Variants in PDZD2 observed in about 807,000 individuals in gnomAD.
PDZD2 encodes PDZ domain containing 2, also known as PDZ domain-containing protein 2.
Under a neutral mutation model 220.7 loss-of-function variants are expected in PDZD2, and 90 were observed. That is an observed-to-expected ratio of 0.41 (90% confidence interval 0.34 to 0.49). The LOEUF (loss-of-function observed/expected upper bound fraction) is 0.49. Among genes scored for constraint, PDZD2 ranks in the 20% least tolerant of loss-of-function variants. The pLI, the probability that PDZD2 is intolerant of heterozygous loss-of-function variation, is 0.28. For synonymous variants in PDZD2, 1,375 were observed against 1,450.5 expected (o/e 0.95, Z 1.18); for missense variants, 3,174 against 3,608.5 (o/e 0.88, Z 3.08).
chr5:31,728,981 A>T (rs1410802105), intron 1 of PDZD2, among the ~76,000 whole-genome samples: 1 of 151,876 alleles, frequency 6.6e-6, no homozygotes, highest in Non-Finnish European at 1.5e-5. Flanking sequence ...CAGCCACCAG[A>T]GTAGCTGGGA....
chr5:31,906,241 TACCGATGTCCAAATGTTCGCTGA>T, intron 2 of PDZD2, among the ~76,000 whole-genome samples: 1 of 141,872 alleles, frequency 7.0e-6, no homozygotes, highest in African/African-American at 2.6e-5. Flanking sequence ...TACTTCATGT[TACCGATGTCCAAATGTTCGCTGA>T]TTTTGTTGTT....
intron 1 of PDZD2, among the ~76,000 whole-genome samples, chr5:31,712,368 A>G (rs1352365091): frequency 6.6e-6 from 1 of 151,798 alleles, no homozygotes; most frequent in Non-Finnish European, 1.5e-5. Context: ...AGCCCTAGGA[A>G]TGTTTTGCTC....
At chr5:31,652,520 C>A (rs933735743) in intron 1 of PDZD2, among the ~76,000 whole-genome samples, 1 of 152,152 alleles carries the variant, frequency 6.6e-6, no homozygotes, top group African/African-American at 2.4e-5. Flanking sequence ...CCTCACTGCC[C>A]CCAAATCAAC....
At position 32,090,154 on chromosome 5, in the gene PDZD2, G is replaced by T; in HGVS notation, c.6706G>T (p.Glu2236Ter). The change falls in exon 20 of 25, where the codon GAG becomes TAG. Residue 2236 changes from glutamate to a stop codon, truncating the protein, a stop_gained. Coordinates refer to ENST00000438447, the MANE Select transcript of PDZD2 (RefSeq NM_178140.4). LOFTEE classifies it high-confidence loss of function. The surrounding 1 kb of genome is among the most constrained non-coding windows in gnomAD (Gnocchi z 4.3). ...CCAGTTCTCAAGCCATTTTGGACGG[G>T]AGGGTCACCCCCCACACAGCCTGGG... The part of the protein sequence containing the change: ...PAQFSSHFGR[E>*]GHPPHSLGRS... 1 of 1,614,028 alleles carries T rather than the reference G, an allele frequency of 6.2e-7. No individual in the cohort carries two copies. Among genetic ancestry groups the T allele is most frequent in the Non-Finnish European group, 8.5e-7 (1 of 1,180,006 alleles).
At chr5:31,788,581 G>A (rs1415954958) in intron 1 of PDZD2, among the ~76,000 whole-genome samples, 1 of 152,142 alleles carries the variant, frequency 6.6e-6, no homozygotes, top group African/African-American at 2.4e-5. Context: ...CAGGAGAATG[G>A]CGTGAACCTG....
chr5:32,084,836 G>A (rs983135614), intron 19 of PDZD2, among the ~76,000 whole-genome samples: 1 of 151,746 alleles, frequency 6.6e-6, no homozygotes, highest in Non-Finnish European at 1.5e-5. Flanking sequence ...GTGAGTGGCT[G>A]TTGGAACCCA....
At chr5:31,640,162 C>A (rs1744894521) in intron 1 of PDZD2, among the ~76,000 whole-genome samples, 1 of 152,136 alleles carries the variant, frequency 6.6e-6, no homozygotes, top group Non-Finnish European at 1.5e-5. Context: ...TTGGAAAATC[C>A]ATTAAAGCGC....
intron 1 of PDZD2, among the ~76,000 whole-genome samples, chr5:31,779,650 G>A (rs757690860): frequency 3.3e-5 from 5 of 152,132 alleles, no homozygotes; most frequent in Admixed American, 2.0e-4. Flanking sequence ...TGGGATTGCA[G>A]GTGTGAGCCA....
chr5:31,853,190 C>T (rs978644975), intron 2 of PDZD2, among the ~76,000 whole-genome samples: 1 of 152,154 alleles, frequency 6.6e-6, no homozygotes, highest in African/African-American at 2.4e-5. Context: ...AAGCCAGACA[C>T]TTTGTGTTAG....
rs376398698 is a variant in PDZD2 at position 32,048,611 on chromosome 5, G to T, written c.1592G>T (p.Arg531Leu). The T allele has an allele frequency of 6.2e-7, 1 of 1,614,030 alleles. No individual in the cohort carries two copies. Among genetic ancestry groups the T allele is most frequent in the Non-Finnish European group, 8.5e-7 (1 of 1,179,934 alleles). ...GTGCGGAATGGGGACCCCCGGATCCGGATGTTGGAGGTCTCCCGAGATGGC... is the reference window on the plus strand; with the variant it reads ...GTGCGGAATGGGGACCCCCGGATCCTGATGTTGGAGGTCTCCCGAGATGGC... ...LMVRNGDPRI[R>L]MLEVSRDGRK... Residue 531 changes from arginine to leucine, a missense_variant, in exon 8 of 25, where the codon CGG becomes CTG. By Grantham distance (102) the Arg-to-Leu change is moderately radical. Around this residue, in one of 4 missense-constraint regions of PDZD2, gnomAD observed 632 missense variants for 708.1 expected, o/e 0.89. Transcript: ENST00000438447.
chr5:31,771,749 T>C (rs999183991), intron 1 of PDZD2, among the ~76,000 whole-genome samples: 5 of 151,702 alleles, frequency 3.3e-5, no homozygotes, highest in African/African-American at 1.2e-4. Flanking sequence ...GATGCAAGAG[T>C]GATTGGGTGT....
At chr5:31,917,075 C>T (rs1435406005) in intron 2 of PDZD2, among the ~76,000 whole-genome samples, 2 of 152,096 alleles carry the variant, frequency 1.3e-5, no homozygotes, top group Admixed American at 6.6e-5. Context: ...TGGAGGAAAC[C>T]AGATGGAGCT....
At chr5:32,003,432 C>G (rs1329759733) in intron 5 of PDZD2, among the ~76,000 whole-genome samples, 1 of 93,296 alleles carries the variant, frequency 1.1e-5, no homozygotes, top group South Asian at 4.2e-4. Flanking sequence ...CCCCCCCACA[C>G]ACACCCTACA....
In PDZD2 at chr5:31,888,230, T is replaced by C. The variant is rs533271201; in HGVS notation, c.476+88506T>C. Among the ~76,000 whole-genome samples, 3 of 152,192 alleles carry C rather than the reference T, an allele frequency of 2.0e-5. No individual in the cohort carries two copies. In the East Asian group the frequency reaches 5.8e-4, roughly 29 times the overall value. On this transcript the variant is annotated intron_variant, in intron 2 of 24. Coordinates refer to ENST00000438447, the MANE Select transcript of PDZD2 (RefSeq NM_178140.4). Reference sequence around the variant, plus strand: ...TCCTTCCCTTCCTTCCCTCCCTCTGTCACCCAGGCTGGAGTGCAGTGCTAT... The same window carrying C: ...TCCTTCCCTTCCTTCCCTCCCTCTGCCACCCAGGCTGGAGTGCAGTGCTAT...
intron 2 of PDZD2, among the ~76,000 whole-genome samples, chr5:31,919,099 T>C (rs1405162499): frequency 6.6e-6 from 1 of 152,176 alleles, no homozygotes; most frequent in Non-Finnish European, 1.5e-5. Context: ...AAGATTGAAA[T>C]GTGAAGAAAC....
intron 1 of PDZD2, among the ~76,000 whole-genome samples, chr5:31,696,681 G>GCTGT (rs1333868742): frequency 6.6e-6 from 1 of 152,140 alleles, no homozygotes; most frequent in Non-Finnish European, 1.5e-5. Context: ...TCTCTCCCTT[G>GCTGT]CTGTCTTTCA....
At chr5:31,843,920 T>C (rs924776437) in intron 2 of PDZD2, 1 of 152,216 alleles carries the variant, frequency 6.6e-6, no homozygotes, top group African/African-American at 2.4e-5. Flanking sequence ...GTCCTTTGCT[T>C]TTCCCAACTA....
intron 6 of PDZD2, among the ~76,000 whole-genome samples, chr5:32,026,135 A>G (rs1422211550): frequency 8.6e-6 from 1 of 116,724 alleles, no homozygotes; most frequent in Non-Finnish European, 1.9e-5. Flanking sequence ...CCTGTTGACT[A>G]CTATTTTTTT....
chr5:31,910,912 A>C (rs1007780698), intron 2 of PDZD2, among the ~76,000 whole-genome samples: 4 of 152,100 alleles, frequency 2.6e-5, no homozygotes, highest in Non-Finnish European at 5.9e-5. Context: ...CCTAGGCATA[A>C]TTTTTAAATT....
Sources: gnomAD v4.1 joint callset for allele counts (sites outside exome capture counted in the v4.1 genomes callset) on GRCh38, gnomAD v4.1.1 for gene constraint, gnomAD v4.1.1 regional missense constraint, Gnocchi (gnomAD v3.1) non-coding constraint, MANE v1.5 for transcripts, NCBI Gene and HGNC (gene_info 2026-07-23, HGNC 2026-07-21) for gene names.